HAPSTR1: variants seen among roughly 807,000 people sequenced by gnomAD.
HAPSTR1 encodes HUWE1-associated protein modifying stress responses 1.
the HAPSTR1 span, among the ~76,000 whole-genome samples, chr16:9,093,262 G>A: frequency 6.6e-6 from 1 of 152,158 alleles, no homozygotes; most frequent in Admixed American, 6.5e-5. Flanking sequence ...TGGGCACCCA[G>A]TGTATAGAGG....
At chr16:9,091,862 A>C in the HAPSTR1 span, 1 of 432,536 alleles carries the variant, frequency 2.3e-6, no homozygotes, top group Non-Finnish European at 3.8e-6. Context: ...CCCTGGTTGC[A>C]CGGGGCCGCG....
At chr16:9,102,343 T>C in the HAPSTR1 span, among the ~76,000 whole-genome samples, 1 of 152,226 alleles carries the variant, frequency 6.6e-6, no homozygotes, top group Non-Finnish European at 1.5e-5. Flanking sequence ...TAGAGATCAT[T>C]TTACCAAAAC....
At chr16:9,092,617 C>T in the HAPSTR1 span, among the ~76,000 whole-genome samples, 2 of 152,024 alleles carry the variant, frequency 1.3e-5, no homozygotes, top group Admixed American at 6.6e-5. Flanking sequence ...GGGGCGGCCC[C>T]ATTGTGCCCT....
At chr16:9,101,794 A>G in the HAPSTR1 span, among the ~76,000 whole-genome samples, 2 of 147,658 alleles carry the variant, frequency 1.4e-5, no homozygotes, top group Non-Finnish European at 3.0e-5. Context: ...ACTATTGCCC[A>G]TCCTTTGAGA....
At chr16:9,103,373 A>T in the HAPSTR1 span, 1 of 1,110,768 alleles carries the variant, frequency 9.0e-7, no homozygotes. Context: ...TACAGTAAAC[A>T]GCTTGCTCTA....
At chr16:9,110,837 A>C in the HAPSTR1 span, 1 of 152,356 alleles carries the variant, frequency 6.6e-6, no homozygotes, top group African/African-American at 2.4e-5. Flanking sequence ...CAGGAGTTTG[A>C]GACCGGCCTG....
At chr16:9,113,929 T>A in the HAPSTR1 span, among the ~76,000 whole-genome samples, 1 of 152,198 alleles carries the variant, frequency 6.6e-6, no homozygotes, top group Non-Finnish European at 1.5e-5. Flanking sequence ...ACATCAACAG[T>A]TGAACCTTTG....
the HAPSTR1 span, chr16:9,116,895 C>T: frequency 3.7e-6 from 6 of 1,614,080 alleles, no homozygotes; most frequent in East Asian, 2.2e-5. Flanking sequence ...AACCCATAAA[C>T]GCAACAGAAT....
At chr16:9,115,355 A>C in the HAPSTR1 span, among the ~76,000 whole-genome samples, 2 of 152,172 alleles carry the variant, frequency 1.3e-5, no homozygotes, top group Non-Finnish European at 2.9e-5. Context: ...ATTCTTTGAA[A>C]ATTAATTGAT....
the HAPSTR1 span, among the ~76,000 whole-genome samples, chr16:9,116,328 A>G: frequency 1.3e-5 from 2 of 152,182 alleles, no homozygotes; most frequent in African/African-American, 2.4e-5. Context: ...CTTTAAAGCA[A>G]ATGTCTCCTG....
At chr16:9,109,721 C>CA in the HAPSTR1 span, 11 of 152,016 alleles carry the variant, frequency 7.2e-5, no homozygotes, top group Admixed American at 7.2e-4. Flanking sequence ...GTTTAAAAGA[C>CA]AGGGGGACTT....
chr16:9,107,275 C>T, the HAPSTR1 span: 1 of 152,218 alleles, frequency 6.6e-6, no homozygotes, highest in Non-Finnish European at 1.5e-5. Flanking sequence ...GGTGCTGTCT[C>T]TGGAAATACA....
the HAPSTR1 span, among the ~76,000 whole-genome samples, chr16:9,115,944 C>G: frequency 6.6e-6 from 1 of 152,116 alleles, no homozygotes; most frequent in Non-Finnish European, 1.5e-5. Context: ...GAAAACAAAG[C>G]AGCAGGATTC....
chr16:9,116,079 G>T, the HAPSTR1 span, among the ~76,000 whole-genome samples: 1 of 152,158 alleles, frequency 6.6e-6, no homozygotes, highest in East Asian at 1.9e-4. Flanking sequence ...GATTTGTCCA[G>T]GGTAGACTGA....
chr16:9,095,762 G>T, the HAPSTR1 span, among the ~76,000 whole-genome samples: 1 of 152,052 alleles, frequency 6.6e-6, no homozygotes. Flanking sequence ...TAATGTAAAT[G>T]TAAGTTGAAC....
chr16:9,092,335 A>T, the HAPSTR1 span: 1,359 of 1,278,694 alleles, frequency 1.1e-3, no homozygotes, highest in Non-Finnish European at 1.3e-3. Flanking sequence ...CCCCGGCCCT[A>T]TCGGCTCAGC....
chr16:9,116,947 A>C, the HAPSTR1 span: 33 of 1,609,154 alleles, frequency 2.1e-5, no homozygotes, highest in Admixed American at 5.3e-4. Flanking sequence ...ATGCTGCTTG[A>C]AAGCCACTTG....
the HAPSTR1 span, chr16:9,109,191 T>G: frequency 1.3e-5 from 2 of 152,208 alleles, no homozygotes; most frequent in African/African-American, 4.8e-5. Context: ...TTACGTTGTC[T>G]GTCTCCTCAC....
At chr16:9,111,959 C>T in the HAPSTR1 span, 2 of 152,086 alleles carry the variant, frequency 1.3e-5, no homozygotes, top group East Asian at 1.9e-4. Flanking sequence ...TTTCCCATGA[C>T]ATTACAAACT....
Sources: allele counts gnomAD v4.1 joint callset (sites outside exome capture counted in the v4.1 genomes callset), GRCh38; gene constraint gnomAD v4.1.1; transcripts MANE v1.5; gene names NCBI Gene and HGNC (gene_info 2026-07-23, HGNC 2026-07-21).